SMARCAD1: variants seen among roughly 807,000 people sequenced by gnomAD.
SMARCAD1 encodes the protein SWI/SNF-related matrix-associated actin-dependent regulator of chromatin subfamily A containing DEAD/H box 1.
In SMARCAD1, 25 loss-of-function variants were observed where a neutral mutation model predicts 127.1. The observed-to-expected ratio is 0.20, with a 90% CI of 0.14 to 0.27. SMARCAD1 has a LOEUF of 0.27. SMARCAD1 is among the 10% of genes least tolerant of loss of function. The pLI, the probability that SMARCAD1 is intolerant of heterozygous loss-of-function variation, is 1.00. For synonymous variants in SMARCAD1, 400 were observed against 396.9 expected, an observed-to-expected ratio of 1.01 and a Z score of -0.09; for missense variants, 807 against 1,206.0, an observed-to-expected ratio of 0.67 and a Z score of 4.90.
intron 14 of SMARCAD1, 73 bp downstream of exon 14, chr4:94,275,038 A>G: frequency 9.7e-7 from 1 of 1,028,764 alleles, no homozygotes; most frequent in Non-Finnish European, 1.5e-6. Context: ...TTGTAGTAGT[A>G]CTATGTAGGA....
At chr4:94,261,167 C>T (rs1158574000) in intron 9 of SMARCAD1, among the ~76,000 whole-genome samples, 1 of 150,948 alleles carries the variant, frequency 6.6e-6, no homozygotes, top group Non-Finnish European at 1.5e-5. Context: ...CCTGTAATTG[C>T]TTTATAAAGA....
In SMARCAD1 at chr4:94,289,749, C is replaced by T. The variant is rs1432572854; in HGVS notation, c.*215C>T. The T allele has an allele frequency of 7.7e-6, 5 of 653,222 alleles. No homozygotes were observed. Among genetic ancestry groups the T allele is most frequent in the Admixed American group, 4.1e-5 (2 of 48,460 alleles). The allele number at this position is 653,222 out of a possible 1,614,324, so 40.5% of individuals were successfully genotyped here. Reference sequence around the variant, plus strand: ...AAAAAGAAGCCACAAATATGTAGTTCTGAAGATGTTGAATAATCATTTTAC... The same window carrying T: ...AAAAAGAAGCCACAAATATGTAGTTTTGAAGATGTTGAATAATCATTTTAC... On this transcript the variant is annotated 3_prime_UTR_variant, in exon 24 of 24. Coordinates refer to ENST00000354268, the MANE Select transcript of SMARCAD1 (RefSeq NM_020159.5).
At chr4:94,285,420 A>G (rs896183972) in intron 23 of SMARCAD1, among the ~76,000 whole-genome samples, 1 of 152,286 alleles carries the variant, frequency 6.6e-6, no homozygotes, top group East Asian at 1.9e-4. Context: ...TTTTATGTGT[A>G]TAAAAATAAA....
intron 10 of SMARCAD1, among the ~76,000 whole-genome samples, chr4:94,270,350 C>T (rs1039070423): frequency 6.6e-6 from 1 of 151,976 alleles, no homozygotes; most frequent in African/African-American, 2.4e-5. Flanking sequence ...TGTCCTAATA[C>T]TTTTAAGTTC....
intron 2 of SMARCAD1, among the ~76,000 whole-genome samples, chr4:94,210,648 A>G (rs946355120): frequency 2.0e-5 from 3 of 152,132 alleles, no homozygotes; most frequent in Non-Finnish European, 4.4e-5. Flanking sequence ...GATAAGATGA[A>G]TGGTAAGATT....
rs575408388 is a variant in SMARCAD1 at position 94,261,891 on chromosome 4, T to C, written c.1282-2816T>C. 1.6e-4 allele frequency among the ~76,000 whole-genome samples: 24 copies of C among 152,296 alleles called. 1 individual carries two copies. The East Asian group carries it at 4.6e-3, about 29-fold the overall frequency. Reference sequence around the variant, plus strand: ...TCCCAACATGCTGGGATTATTGGTGTGAGCCACCACAACCGGCCAGTTTAT... The same window carrying C: ...TCCCAACATGCTGGGATTATTGGTGCGAGCCACCACAACCGGCCAGTTTAT... On this transcript the variant is annotated intron_variant, in intron 9 of 23. Transcript: ENST00000354268.
chr4:94,290,143 A>T lies in SMARCAD1; in HGVS notation c.*609A>T, dbSNP rs1438183433. ...CTCTCAAGTACTTCTGCTGAAACAA[A>T]TTTATTTGGCTAGGCACTAAGTTGT... On this transcript the variant is annotated 3_prime_UTR_variant, in exon 24 of 24. Coordinates refer to ENST00000354268, the MANE Select transcript of SMARCAD1 (RefSeq NM_020159.5). 4 of 454,492 alleles carry T rather than the reference A, an allele frequency of 8.8e-6. No homozygotes were observed. Among genetic ancestry groups the T allele is most frequent in the Non-Finnish European group, 1.3e-5 (3 of 226,762 alleles). The allele number at this position is 454,492 out of a possible 1,614,324, so 28.2% of individuals were successfully genotyped here.
At chr4:94,213,301 G>C (rs1178511134) in intron 2 of SMARCAD1, 6 of 333,456 alleles carry the variant, frequency 1.8e-5, no homozygotes, top group African/African-American at 1.1e-4. Flanking sequence ...ACAGAGATAT[G>C]ACCTTTGGAG....
At chr4:94,237,151 G>GT in intron 5 of SMARCAD1, 133 bp downstream of exon 5, 1 of 768,156 alleles carries the variant, frequency 1.3e-6, no homozygotes, top group Non-Finnish European at 2.2e-6. Context: ...GGTATTAATA[G>GT]TTTCACTGTT....
intron 2 of SMARCAD1, among the ~76,000 whole-genome samples, chr4:94,217,767 A>G (rs1017290145): frequency 6.6e-6 from 1 of 152,216 alleles, no homozygotes; most frequent in Non-Finnish European, 1.5e-5. Context: ...TTGTTTTTCA[A>G]ACTGGATCAT....
chr4:94,214,294 A>C (rs1322745301), intron 2 of SMARCAD1, among the ~76,000 whole-genome samples: 1 of 138,270 alleles, frequency 7.2e-6, no homozygotes, highest in African/African-American at 2.8e-5. Flanking sequence ...AGACAGTTTC[A>C]CTCTGTCACC....
chr4:94,270,602 A>G (rs1752418891), intron 10 of SMARCAD1, 126 bp from the exon 11 acceptor site: 1 of 745,134 alleles, frequency 1.3e-6, no homozygotes, highest in African/African-American at 1.7e-5. Context: ...GTAGGTGTAC[A>G]TAGCATCTAA....
chr4:94,266,961 TA>T (rs992554990), intron 10 of SMARCAD1, among the ~76,000 whole-genome samples: 33 of 152,168 alleles, frequency 2.2e-4, no homozygotes, highest in African/African-American at 8.0e-4. Flanking sequence ...TTAAATTGTT[TA>T]AAATATAATA....
chr4:94,271,111 T>C (rs1752485087), intron 11 of SMARCAD1, among the ~76,000 whole-genome samples: 1 of 152,204 alleles, frequency 6.6e-6, no homozygotes, highest in Non-Finnish European at 1.5e-5. Flanking sequence ...ATTCTACCAC[T>C]TAAACAAGAA....
At chr4:94,225,102 A>G (rs958486927) in intron 2 of SMARCAD1, among the ~76,000 whole-genome samples, 3 of 152,230 alleles carry the variant, frequency 2.0e-5, no homozygotes, top group African/African-American at 7.2e-5. Context: ...CTTGGAGAGA[A>G]GAGATCTTGG....
rs1443051075 is a variant in SMARCAD1, at chr4:94,253,215, G to GA, written c.1281+214dup. 3.6e-5 allele frequency: 55 copies of GA among 1,511,188 alleles called. No individual in the cohort carries two copies. In the East Asian group the frequency reaches 1.0e-3, roughly 29 times the overall value. 93.6% of individuals were successfully genotyped at this position (1,511,188 alleles called of 1,614,324 possible). On this transcript the variant is annotated intron_variant, in intron 9 of 23. Transcript: ENST00000354268. ...GAATGAATTAAGGGGTGATTTTCCT[G>GA]AAAAAACCCAAGCTGATTGGCTGGG... is the stretch of plus-strand genomic sequence containing the variant.
At chr4:94,238,082 A>C (rs1057272290) in intron 5 of SMARCAD1, among the ~76,000 whole-genome samples, 1 of 152,128 alleles carries the variant, frequency 6.6e-6, no homozygotes, top group Non-Finnish European at 1.5e-5. Context: ...ATGTGTTCCC[A>C]TGGACCCATC....
chr4:94,226,158 A>G lies in SMARCAD1; in HGVS notation c.230A>G (p.Lys77Arg), dbSNP rs768615672. The G allele has an allele frequency of 6.2e-7, 1 of 1,611,764 alleles. No individual in the cohort carries two copies. Reference protein sequence around the residue: ...SVPETPDNERKASISYFKNQR... With the variant: ...SVPETPDNERRASISYFKNQR... ...CCAGAAACTCCAGATAATGAAAGAA[A>G]AGCAAGTATATCATATTTCAAAAAT... Residue 77 changes from lysine to arginine, a missense_variant, in exon 3 of 24, where the codon AAA becomes AGA. Lys to Arg is a conservative substitution (Grantham distance 26, BLOSUM62 2). Coordinates refer to ENST00000354268, the MANE Select transcript of SMARCAD1 (RefSeq NM_020159.5).
Position 94,271,846 on chromosome 4 carries a change from T to A in SMARCAD1, c.1572+1028T>A, listed in dbSNP as rs564483869. ...AATAATAAAATGTAGATAGTCTTTA[T>A]ATCATAAGATTGCATTTGCTATCAA... On this transcript the variant is annotated intron_variant, in intron 11 of 23. Transcript: ENST00000354268. Among the ~76,000 whole-genome samples the A allele has an allele frequency of 2.0e-5, 3 of 152,364 alleles. No homozygotes were observed. The South Asian group carries it at 6.2e-4, about 32-fold the overall frequency.
Sources: allele counts gnomAD v4.1 joint callset (sites outside exome capture counted in the v4.1 genomes callset), GRCh38; gene constraint gnomAD v4.1.1; transcripts MANE v1.5; gene names NCBI Gene and HGNC (gene_info 2026-07-23, HGNC 2026-07-21).